The following LMX1A variants were observed in gnomAD, a reference collection of about 807,000 sequenced individuals.
LMX1A encodes LIM homeobox transcription factor 1-alpha.
Under a neutral mutation model 49.1 loss-of-function variants are expected in LMX1A, and 15 were observed. The ratio of observed to expected loss-of-function variants is 0.31; its 90% CI spans 0.20 to 0.47. The LOEUF is 0.47. LMX1A is among the 20% of genes least tolerant of loss of function. The probability of loss-of-function intolerance (pLI) is 1.00; values close to 1 mark genes in which losing one functional copy is unlikely to be tolerated. For synonymous variants in LMX1A, 167 were observed against 185.7 expected, an observed-to-expected ratio of 0.90 and a Z score of 0.82; for missense variants, 372 against 475.8, an observed-to-expected ratio of 0.78 and a Z score of 2.03.
rs114212919 is a variant in LMX1A, at chr1:165,234,261, A to C, written c.496+15147T>G. 6.1e-3 allele frequency among the ~76,000 whole-genome samples: 924 copies of C among 152,206 alleles called. 6 individuals are homozygous for C. The highest frequency in any genetic ancestry group is 0.02 in the African/African-American group (833 of 41,512). ...AGTACAGACTAAGCTGCATTTTCTA[A>C]CAACATACTCATTTTCATTTCATCG... On this transcript the variant is annotated intron_variant, in intron 4 of 8. Transcript: ENST00000342310.
At chr1:165,269,308 G>T (rs182756407) in intron 3 of LMX1A, among the ~76,000 whole-genome samples, 1 of 152,168 alleles carries the variant, frequency 6.6e-6, no homozygotes, top group African/African-American at 2.4e-5. Flanking sequence ...TAGACATTGC[G>T]GATAAGAGTT....
chr1:165,310,016 C>T (rs1338146858), intron 3 of LMX1A, among the ~76,000 whole-genome samples: 2 of 152,338 alleles, frequency 1.3e-5, no homozygotes, highest in South Asian at 4.1e-4. Context: ...TTATCCGATG[C>T]CCTACTGCCA....
At chr1:165,292,837 G>A (rs1422333500) in intron 3 of LMX1A, among the ~76,000 whole-genome samples, 1 of 152,098 alleles carries the variant, frequency 6.6e-6, no homozygotes, top group East Asian at 1.9e-4. Flanking sequence ...ACTTACTGGG[G>A]TCCAGGCGCG....
intron 3 of LMX1A, among the ~76,000 whole-genome samples, chr1:165,333,831 A>G (rs1655822050): frequency 6.6e-6 from 1 of 152,150 alleles, no homozygotes; most frequent in African/African-American, 2.4e-5. Context: ...CCTCATTCTA[A>G]AAAGAAGCAG....
intron 3 of LMX1A, among the ~76,000 whole-genome samples, chr1:165,284,757 T>C (rs1010164689): frequency 6.6e-6 from 1 of 152,210 alleles, no homozygotes; most frequent in Admixed American, 6.5e-5. Flanking sequence ...TTACAAAGCG[T>C]TGGCCACCCA....
At chr1:165,219,812 T>G (rs1274362739) in intron 4 of LMX1A, among the ~76,000 whole-genome samples, 2 of 152,220 alleles carry the variant, frequency 1.3e-5, no homozygotes, top group Non-Finnish European at 2.9e-5. Flanking sequence ...GGGACAATCC[T>G]AGGATCCAGG....
chr1:165,346,608 C>A (rs1030901904), intron 3 of LMX1A, among the ~76,000 whole-genome samples: 2 of 152,146 alleles, frequency 1.3e-5, no homozygotes, highest in African/African-American at 2.4e-5. Context: ...TGTGACAGGA[C>A]CAAGTATACC....
At chr1:165,267,988 A>G (rs905871039) in intron 3 of LMX1A, among the ~76,000 whole-genome samples, 8 of 152,194 alleles carry the variant, frequency 5.3e-5, no homozygotes, top group African/African-American at 1.9e-4. Context: ...AATGAGAGTA[A>G]TTACAGAATG....
intron 3 of LMX1A, among the ~76,000 whole-genome samples, chr1:165,335,852 A>G (rs75687077): frequency 0.011 from 1,637 of 151,956 alleles, 27 homozygotes; most frequent in African/African-American, 0.038. Flanking sequence ...GCAATCTGTC[A>G]GCTTTTACAT....
At chr1:165,251,791 C>T (rs1286290626) in intron 3 of LMX1A, among the ~76,000 whole-genome samples, 7 of 152,114 alleles carry the variant, frequency 4.6e-5, no homozygotes, top group African/African-American at 1.7e-4. Flanking sequence ...ATCTGTGCCC[C>T]CTAGCCTGAA....
chr1:165,337,358 T>C (rs1018375191), intron 3 of LMX1A, among the ~76,000 whole-genome samples: 25 of 152,154 alleles, frequency 1.6e-4, no homozygotes, highest in African/African-American at 5.6e-4. Flanking sequence ...CAACTATGCA[T>C]GAAAAATGAT....
intron 4 of LMX1A, among the ~76,000 whole-genome samples, chr1:165,247,048 C>CTTTTCCTTTT (rs1652873608): frequency 4.7e-5 from 1 of 21,424 alleles, no homozygotes; most frequent in African/African-American, 2.1e-4. Context: ...ATCAGATCAG[C>CTTTTCCTTTT]TTTTTCTTTT....
intron 3 of LMX1A, among the ~76,000 whole-genome samples, chr1:165,342,504 C>T (rs1365148478): frequency 6.6e-6 from 1 of 151,754 alleles, no homozygotes; most frequent in Non-Finnish European, 1.5e-5. Flanking sequence ...CTTCTGGGGG[C>T]TGGGGGGAAG....
chr1:165,348,832 CAGCGGGTCCAA>C (rs1026937651), intron 3 of LMX1A, among the ~76,000 whole-genome samples: 2 of 152,190 alleles, frequency 1.3e-5, no homozygotes, highest in African/African-American at 4.8e-5. Context: ...GGCTGCCAAT[CAGCGGGTCCAA>C]AGAAAGATGC....
intron 3 of LMX1A, among the ~76,000 whole-genome samples, chr1:165,301,211 G>A (rs1195647472): frequency 6.6e-6 from 1 of 152,010 alleles, no homozygotes; most frequent in Non-Finnish European, 1.5e-5. Context: ...CCTTTAACAC[G>A]TGGACTTTCC....
At chr1:165,234,385 T>C (rs1474057023) in intron 4 of LMX1A, among the ~76,000 whole-genome samples, 1 of 152,188 alleles carries the variant, frequency 6.6e-6, no homozygotes, top group Admixed American at 6.5e-5. Context: ...AATACACATA[T>C]ACACACCCCA....
chr1:165,282,108 T>G (rs770742793), intron 3 of LMX1A, among the ~76,000 whole-genome samples: 4 of 152,194 alleles, frequency 2.6e-5, no homozygotes, highest in Non-Finnish European at 4.4e-5. Flanking sequence ...GCCCCAGATT[T>G]GTGTTTCTTC....
chr1:165,329,988 G>A (rs1445820486), intron 3 of LMX1A, among the ~76,000 whole-genome samples: 1 of 152,172 alleles, frequency 6.6e-6, no homozygotes, highest in East Asian at 1.9e-4. Flanking sequence ...TGAGAAGACT[G>A]AATTTATCCT....
intron 3 of LMX1A, among the ~76,000 whole-genome samples, chr1:165,284,471 A>T (rs1654245733): frequency 6.6e-6 from 1 of 152,230 alleles, no homozygotes; most frequent in African/African-American, 2.4e-5. Flanking sequence ...TCATTCTGGG[A>T]GTCAAAGCTA....
Sources: allele counts gnomAD v4.1 joint callset (sites outside exome capture counted in the v4.1 genomes callset), GRCh38; gene constraint gnomAD v4.1.1; transcripts MANE v1.5; gene names NCBI Gene and HGNC (gene_info 2026-07-23, HGNC 2026-07-21).